IL12RB1: variants seen among roughly 807,000 people sequenced by gnomAD.
The protein encoded by IL12RB1 is interleukin-12 receptor subunit beta-1.
Under a neutral mutation model 94.4 loss-of-function variants are expected in IL12RB1, and 64 were observed. That is an observed-to-expected ratio of 0.68 (90% CI 0.55 to 0.83). IL12RB1 has a LOEUF of 0.83. Among genes scored for constraint, IL12RB1 ranks in the 40% least tolerant of loss-of-function variants. The pLI is 0.00. For synonymous variants in IL12RB1, 362 were observed against 355.5 expected (o/e 1.02, Z -0.21); for missense variants, 814 against 855.6 (o/e 0.95, Z 0.61).
At chr19:18,072,491 A>C in intron 8 of IL12RB1, 142 bp from the exon 9 acceptor site, 1 of 679,988 alleles carries the variant, frequency 1.5e-6, no homozygotes, top group Non-Finnish European at 2.7e-6. Flanking sequence ...AAGAATAATA[A>C]ACCTCAATGC....
chr19:18,087,812 G>T (rs1039704023), upstream of IL12RB1, among the ~76,000 whole-genome samples: 1 of 151,964 alleles, frequency 6.6e-6, no homozygotes, highest in Non-Finnish European at 1.5e-5. Flanking sequence ...GTGAGCCACC[G>T]CACCGGGCCA....
chr19:18,077,738 T>C (rs2035592700), intron 4 of IL12RB1, 83 bp from the exon 5 acceptor site: 3 of 838,440 alleles, frequency 3.6e-6, no homozygotes, highest in South Asian at 1.3e-5. Context: ...CTGTCCAGGG[T>C]AAGCAACTGA....
chr19:18,060,624 T>G, intron 15 of IL12RB1, among the ~76,000 whole-genome samples: 1 of 152,038 alleles, frequency 6.6e-6, no homozygotes, highest in East Asian at 1.9e-4. Context: ...CCACCTCAGC[T>G]CTAGCAATGG....
rs1193767696 is a variant in IL12RB1 at position 18,077,607 on chromosome 19, C to T, written c.458G>A (p.Gly153Glu). ...GGTCTCCCACTCCATACGCAGCTGC[C>T]CGGCCAACTTGGACACCTTGATGTC... ...LGDIKVSKLA[G>E]QLRMEWETPD... is the part of the protein sequence containing the mutation. Residue 153 changes from glycine (G) to glutamate (E), a missense_variant, in exon 5 of 17, where the codon GGG becomes GAG. By Grantham distance (98) the Gly-to-Glu change is moderately conservative (BLOSUM62 -2). Transcript: ENST00000593993. 5.0e-6 allele frequency: 8 copies of T among 1,598,350 alleles called. No individual in the cohort carries two copies. Among genetic ancestry groups the T allele is most frequent in the Non-Finnish European group, 6.0e-6 (7 of 1,165,620 alleles).
At chr19:18,075,934 C>A in intron 6 of IL12RB1, 66 bp from the exon 7 acceptor site, 1 of 1,515,882 alleles carries the variant, frequency 6.6e-7, no homozygotes, top group South Asian at 1.1e-5. Flanking sequence ...AGTCACTTAA[C>A]CATCATGTGC....
intron 8 of IL12RB1, among the ~76,000 whole-genome samples, chr19:18,073,132 C>T (rs1405381131): frequency 6.6e-6 from 1 of 152,034 alleles, no homozygotes; most frequent in African/African-American, 2.4e-5. Context: ...CCCTCTATGC[C>T]TCAGTTTCCC....
At chr19:18,066,922 G>A (rs1261645279) in intron 11 of IL12RB1, among the ~76,000 whole-genome samples, 1 of 150,084 alleles carries the variant, frequency 6.7e-6, no homozygotes, top group East Asian at 2.0e-4. Context: ...AGCTACTCAG[G>A]AGGCTGAGGC....
chr19:18,083,060 G>A (rs929884190), intron 2 of IL12RB1: 3 of 361,824 alleles, frequency 8.3e-6, no homozygotes, highest in African/African-American at 4.2e-5. Context: ...TCCAACCTGG[G>A]CAGCAGAACA....
intron 11 of IL12RB1, among the ~76,000 whole-genome samples, chr19:18,067,279 G>A (rs1391457740): frequency 6.9e-6 from 1 of 145,190 alleles, no homozygotes; most frequent in Admixed American, 7.1e-5. Context: ...AGCCAAGATC[G>A]TGCCACTGCA....
chr19:18,063,078 A>ATTTTTCTTTTTT (rs2034287561), intron 13 of IL12RB1, among the ~76,000 whole-genome samples: 1 of 51,432 alleles, frequency 1.9e-5, no homozygotes, highest in Admixed American at 3.3e-4. Context: ...TTCTTCTTCT[A>ATTTTTCTTTTTT]TTTTTTTTTT....
At chr19:18,097,787 C>G (rs371204303) in intron 1 of IL12RB1, 3 of 1,219,128 alleles carry the variant, frequency 2.5e-6, no homozygotes, top group Non-Finnish European at 3.1e-6. Context: ...CGCGGACTCC[C>G]GGGCCATGGA....
Position 18,098,019 on chromosome 19 carries a change from A to G in IL12RB1, c.-230+736T>C, listed in dbSNP as rs572249028. ...GCTTTTTCTCATGGTGGGAAGGGGG[A>G]AGGTGCCCCCTTGGACATCTAGGGA... On this transcript the variant is annotated intron_variant, in intron 1 of 4. Transcript: ENST00000594176. Among the ~76,000 whole-genome samples, 265 of 151,938 alleles carry G rather than the reference A, an allele frequency of 1.7e-3. 1 individual carries two copies. The highest frequency in any genetic ancestry group is 5.8e-3 in the African/African-American group (242 of 41,456).
At chr19:18,068,186 C>T (rs527312275) in intron 11 of IL12RB1, among the ~76,000 whole-genome samples, 1 of 151,794 alleles carries the variant, frequency 6.6e-6, no homozygotes, top group East Asian at 1.9e-4. Flanking sequence ...CCACCACACC[C>T]GGCTAATTTT....
At chr19:18,077,269 G>A (rs1164028290) in intron 5 of IL12RB1, among the ~76,000 whole-genome samples, 1 of 152,014 alleles carries the variant, frequency 6.6e-6, no homozygotes, top group Non-Finnish European at 1.5e-5. Context: ...GGCTGACGCA[G>A]GACAATCGCT....
chr19:18,083,632 C>T, intron 1 of IL12RB1, 141 bp from the exon 2 acceptor site: 1 of 746,664 alleles, frequency 1.3e-6, no homozygotes, highest in South Asian at 1.5e-5. Flanking sequence ...CCTACCACCA[C>T]CCATCCATCC....
At chr19:18,096,044 C>T (rs1298120745) in intron 1 of IL12RB1, among the ~76,000 whole-genome samples, 2 of 151,508 alleles carry the variant, frequency 1.3e-5, no homozygotes, top group Admixed American at 6.6e-5. Context: ...GGAAACATGG[C>T]GGTACTCCAT....
At chr19:18,062,155 T>C (rs778871651) in intron 14 of IL12RB1, 26 bp downstream of exon 14, 37 of 1,457,056 alleles carry the variant, frequency 2.5e-5, no homozygotes, top group Non-Finnish European at 3.4e-5. Context: ...ACCATCGCTA[T>C]GGTAACGGTA....
intron 14 of IL12RB1, 35 bp from the exon 15 acceptor site, chr19:18,061,232 G>GT: frequency 1.4e-5 from 14 of 1,033,798 alleles, no homozygotes; most frequent in Non-Finnish European, 2.0e-5. Context: ...GAGGAGCTGA[G>GT]GTTTTTTTTT....
At chr19:18,088,335 G>A (rs1421482098), upstream of IL12RB1, among the ~76,000 whole-genome samples, 4 of 150,984 alleles carry the variant, frequency 2.6e-5, no homozygotes, top group African/African-American at 9.8e-5. Flanking sequence ...GCAGTGAGCC[G>A]AGATCGCGCC....
Sources: allele counts gnomAD v4.1 joint callset (sites outside exome capture counted in the v4.1 genomes callset), GRCh38; gene constraint gnomAD v4.1.1; transcripts MANE v1.5; gene names NCBI Gene and HGNC (gene_info 2026-07-23, HGNC 2026-07-21).